Variants in FABP7 observed in about 807,000 individuals in gnomAD.
The protein encoded by FABP7 is fatty acid-binding protein, brain.
Under a neutral mutation model 14.2 loss-of-function variants are expected in FABP7, and 13 were observed. The observed-to-expected ratio is 0.91, with a 90% CI of 0.59 to 1.45. The LOEUF (loss-of-function observed/expected upper bound fraction) is 1.45. Ranked by LOEUF, FABP7 falls within the 40% of genes most tolerant of loss-of-function variation. FABP7 has a pLI of 0.00. For synonymous variants in FABP7, 49 were observed against 51.4 expected, an observed-to-expected ratio of 0.95 and a Z score of 0.20; for missense variants, 149 against 157.6, an observed-to-expected ratio of 0.95 and a Z score of 0.29.
intron 3 of FABP7, chr6:122,783,162 G>A (rs9490550): frequency 1.0e-6 from 1 of 984,988 alleles, no homozygotes; most frequent in African/African-American, 1.7e-5. Context: ...GAGTAATAGA[G>A]CTGATGTTCC....
At chr6:122,769,929 T>C in the FABP7 span, among the ~76,000 whole-genome samples, 2 of 152,164 alleles carry the variant, frequency 1.3e-5, no homozygotes, top group Non-Finnish European at 2.9e-5. Flanking sequence ...CAAAGGCTTA[T>C]AATACTGTGT....
chr6:122,753,340 C>A, the FABP7 span, among the ~76,000 whole-genome samples: 1 of 152,214 alleles, frequency 6.6e-6, no homozygotes. Context: ...TTACAAGGCT[C>A]TGCTGCCTCT....
At chr6:122,779,965 C>G (rs1780742311) in intron 1 of FABP7, 98 bp downstream of exon 1, 7 of 1,138,894 alleles carry the variant, frequency 6.1e-6, no homozygotes, top group Non-Finnish European at 9.1e-6. Context: ...GAGGCAAAGA[C>G]AGATCACATT....
chr6:122,755,738 T>C, the FABP7 span, among the ~76,000 whole-genome samples: 1 of 152,092 alleles, frequency 6.6e-6, no homozygotes, highest in Non-Finnish European at 1.5e-5. Flanking sequence ...ATTACAAGCA[T>C]GAGCCACCGC....
At chr6:122,763,469 A>G in the FABP7 span, among the ~76,000 whole-genome samples, 4 of 152,236 alleles carry the variant, frequency 2.6e-5, no homozygotes, top group Admixed American at 1.3e-4. Flanking sequence ...CATTCAGGAC[A>G]TAGGCATGGG....
At chr6:122,773,235 A>G in the FABP7 span, among the ~76,000 whole-genome samples, 5 of 152,194 alleles carry the variant, frequency 3.3e-5, no homozygotes, top group Non-Finnish European at 7.3e-5. Context: ...TTAAGGCGCC[A>G]AAATGTCTAC....
chr6:122,756,533 ACT>A, the FABP7 span, among the ~76,000 whole-genome samples: 2 of 152,198 alleles, frequency 1.3e-5, no homozygotes, highest in East Asian at 3.9e-4. Flanking sequence ...TCAAACTTCT[ACT>A]TATATCCCAT....
chr6:122,752,733 A>T, the FABP7 span, among the ~76,000 whole-genome samples: 1 of 152,322 alleles, frequency 6.6e-6, no homozygotes, highest in Admixed American at 6.5e-5. Context: ...TCTCCAGCGA[A>T]GTAAGCCTTG....
chr6:122,781,740 C>CCTTTTTTTTTTTTTTTTTTTTTTT (rs1207410795), intron 3 of FABP7: 2 of 651,664 alleles, frequency 3.1e-6, no homozygotes. Flanking sequence ...AGTGATAACC[C>CCTTTTTTTTTTTTTTTTTTTTTTT]TTTTTTTTTT....
chr6:122,763,517 A>G, the FABP7 span, among the ~76,000 whole-genome samples: 24 of 152,336 alleles, frequency 1.6e-4, no homozygotes, highest in Middle Eastern at 3.4e-3. Context: ...AGCAATGGCA[A>G]CAAAAGCCAA....
At chr6:122,771,335 G>T in the FABP7 span, among the ~76,000 whole-genome samples, 1 of 152,152 alleles carries the variant, frequency 6.6e-6, no homozygotes, top group African/African-American at 2.4e-5. Flanking sequence ...GTTAAAAATA[G>T]CTAGGGTGGT....
chr6:122,751,196 C>T, the FABP7 span, among the ~76,000 whole-genome samples: 1 of 152,158 alleles, frequency 6.6e-6, no homozygotes, highest in South Asian at 2.1e-4. Flanking sequence ...TTAACCTCTG[C>T]ATGCCTGTTT....
chr6:122,760,150 T>C, the FABP7 span, among the ~76,000 whole-genome samples: 1 of 151,866 alleles, frequency 6.6e-6, no homozygotes, highest in Non-Finnish European at 1.5e-5. Context: ...CTATTTAAAG[T>C]GTACAGTTTA....
At chr6:122,753,796 C>A in the FABP7 span, among the ~76,000 whole-genome samples, 1 of 104,820 alleles carries the variant, frequency 9.5e-6, no homozygotes, top group Non-Finnish European at 1.9e-5. Context: ...CCCCCCCCCG[C>A]CCACAGAAGT....
At chr6:122,783,480 T>C (rs1013145635) in intron 3 of FABP7, 10 of 985,354 alleles carry the variant, frequency 1.0e-5, no homozygotes, top group Admixed American at 1.2e-4. Context: ...GCTAAAGAAA[T>C]TCTTTTGACT....
the FABP7 span, among the ~76,000 whole-genome samples, chr6:122,769,787 A>G: frequency 6.6e-6 from 1 of 152,168 alleles, no homozygotes; most frequent in Non-Finnish European, 1.5e-5. Context: ...TTTAAAAACA[A>G]CAGCAAAAAT....
At chr6:122,763,519 A>T in the FABP7 span, among the ~76,000 whole-genome samples, 1 of 152,336 alleles carries the variant, frequency 6.6e-6, no homozygotes, top group East Asian at 1.9e-4. Flanking sequence ...CAATGGCAAC[A>T]AAAGCCAAAA....
the FABP7 span, among the ~76,000 whole-genome samples, chr6:122,773,464 A>C: frequency 6.6e-6 from 1 of 152,086 alleles, no homozygotes; most frequent in Non-Finnish European, 1.5e-5. Context: ...CTTTTTGCCA[A>C]CCCTTGAGTT....
the FABP7 span, among the ~76,000 whole-genome samples, chr6:122,772,317 T>C: frequency 6.6e-6 from 1 of 151,994 alleles, no homozygotes; most frequent in Admixed American, 6.6e-5. Flanking sequence ...AGGCTAAGAA[T>C]GGAATATTTA....
Sources: gnomAD v4.1 joint callset for allele counts (sites outside exome capture counted in the v4.1 genomes callset) on GRCh38, gnomAD v4.1.1 for gene constraint, MANE v1.5 for transcripts, NCBI Gene and HGNC (gene_info 2026-07-23, HGNC 2026-07-21) for gene names.